Variants in NKAIN3 observed in about 807,000 individuals in gnomAD.
NKAIN3 encodes sodium/potassium transporting ATPase interacting 3.
A neutral mutation model predicts 30.2 loss-of-function variants in NKAIN3; 25 were observed. The ratio of observed to expected loss-of-function variants is 0.83; its 90% CI spans 0.60 to 1.16. The LOEUF (loss-of-function observed/expected upper bound fraction) is 1.16, where lower values mean the gene tolerates loss of function less well. Among genes scored for constraint, NKAIN3 ranks in the 50% most tolerant of loss-of-function variants. The pLI is 0.00. For missense variants in NKAIN3, 225 were observed against 254.1 expected (o/e 0.89, Z 0.78); for synonymous variants, 91 against 89.6 (o/e 1.02, Z -0.09).
intron 3 of NKAIN3, among the ~76,000 whole-genome samples, chr8:62,598,615 C>T (rs548629578): frequency 2.2e-4 from 34 of 152,128 alleles, no homozygotes; most frequent in Non-Finnish European, 4.4e-4. Flanking sequence ...TGCATTCCCG[C>T]GGGTTCTGTC....
At chr8:62,460,557 T>A (rs1475902783) in intron 1 of NKAIN3, among the ~76,000 whole-genome samples, 1 of 152,194 alleles carries the variant, frequency 6.6e-6, no homozygotes, top group East Asian at 1.9e-4. Flanking sequence ...ATGAGCTTTG[T>A]AATATTTAAT....
chr8:62,597,241 A>T (rs576671361), intron 3 of NKAIN3, among the ~76,000 whole-genome samples: 1 of 152,124 alleles, frequency 6.6e-6, no homozygotes, highest in Non-Finnish European at 1.5e-5. Context: ...CAAGCTTACC[A>T]CTGGGGCTTG....
chr8:62,807,894 T>C (rs1441249317), intron 4 of NKAIN3, among the ~76,000 whole-genome samples: 1 of 151,536 alleles, frequency 6.6e-6, no homozygotes, highest in African/African-American at 2.4e-5. Context: ...AAAATGAGAT[T>C]GTGATTATGT....
chr8:62,814,602 G>A (rs1049928214), intron 4 of NKAIN3, among the ~76,000 whole-genome samples: 4 of 152,064 alleles, frequency 2.6e-5, no homozygotes, highest in African/African-American at 9.6e-5. Context: ...CAAATACATG[G>A]AAACTGAACA....
At chr8:62,308,722 T>C (rs1214907581) in intron 1 of NKAIN3, among the ~76,000 whole-genome samples, 6 of 150,470 alleles carry the variant, frequency 4.0e-5, no homozygotes, top group Non-Finnish European at 7.4e-5. Context: ...AGAGCTTGAA[T>C]CCAGGTGACA....
chr8:62,743,048 C>T (rs905081729), intron 3 of NKAIN3, among the ~76,000 whole-genome samples: 26 of 152,152 alleles, frequency 1.7e-4, no homozygotes, highest in African/African-American at 5.6e-4. Flanking sequence ...ACTCAATTAC[C>T]TCCAACAGGT....
chr8:62,311,579 C>A (rs1322905678), intron 1 of NKAIN3, among the ~76,000 whole-genome samples: 1 of 150,592 alleles, frequency 6.6e-6, no homozygotes, highest in African/African-American at 2.5e-5. Context: ...GAGCCCTGGA[C>A]TCCATGAGCC....
chr8:62,365,436 A>G (rs1162997919), intron 1 of NKAIN3, among the ~76,000 whole-genome samples: 1 of 152,062 alleles, frequency 6.6e-6, no homozygotes, highest in African/African-American at 2.4e-5. Flanking sequence ...TAACACCATT[A>G]TTGCTTTTTC....
chr8:62,714,945 CTG>C (rs1330530342), intron 3 of NKAIN3, among the ~76,000 whole-genome samples: 17 of 152,264 alleles, frequency 1.1e-4, no homozygotes, highest in African/African-American at 3.9e-4. Flanking sequence ...AGACCTGAGA[CTG>C]TGTAATTTTT....
chr8:62,855,519 G>T, intron 4 of NKAIN3: 2 of 1,431,610 alleles, frequency 1.4e-6, no homozygotes, highest in African/African-American at 1.4e-5. Flanking sequence ...TTGTAATCTG[G>T]TGGGTAAACA....
chr8:62,855,378 G>A (rs771130859), intron 4 of NKAIN3: 11 of 761,216 alleles, frequency 1.4e-5, no homozygotes, highest in Non-Finnish European at 2.6e-5. Context: ...TTCAGCATGG[G>A]CACAGTGAAA....
chr8:62,717,039 T>C (rs903239169), intron 3 of NKAIN3, among the ~76,000 whole-genome samples: 22 of 152,222 alleles, frequency 1.4e-4, no homozygotes, highest in African/African-American at 5.1e-4. Context: ...GACTGAATTA[T>C]CATAGTTTCA....
chr8:62,356,933 C>T (rs1367258651), intron 1 of NKAIN3, among the ~76,000 whole-genome samples: 1 of 151,908 alleles, frequency 6.6e-6, no homozygotes, highest in East Asian at 1.9e-4. Flanking sequence ...GGCAACATGG[C>T]GAAACCATCT....
chr8:62,729,664 G>C (rs1815406574), intron 3 of NKAIN3, among the ~76,000 whole-genome samples: 1 of 152,028 alleles, frequency 6.6e-6, no homozygotes. Flanking sequence ...AAGTAACACA[G>C]TATTTATTTT....
At chr8:62,746,341 C>T (rs1355210211) in intron 3 of NKAIN3, among the ~76,000 whole-genome samples, 2 of 152,196 alleles carry the variant, frequency 1.3e-5, no homozygotes, top group East Asian at 3.8e-4. Context: ...ATCATCTCCC[C>T]ATCTCATGAT....
rs1291450410 is a variant in NKAIN3 at position 62,982,089 on chromosome 8, A to C, written c.*16682A>C. The C allele has an allele frequency of 6.6e-6, 1 of 152,158 alleles. No homozygotes were observed. The highest frequency in any genetic ancestry group is 1.5e-5 in the Non-Finnish European group (1 of 68,026). 9.4% of individuals were successfully genotyped at this position (152,158 alleles called of 1,614,324 possible). ...AAACTCATATAAAAATCTAAACTAC[A>C]GTTTTATGGGGATAGTTAAGGTAAG... is the stretch of plus-strand genomic sequence containing the variant. On this transcript the variant is annotated 3_prime_UTR_variant, in exon 7 of 7. Transcript: ENST00000623646.
chr8:62,506,598 C>G (rs1807652318), intron 1 of NKAIN3, among the ~76,000 whole-genome samples: 1 of 151,368 alleles, frequency 6.6e-6, no homozygotes, highest in Non-Finnish European at 1.5e-5. Flanking sequence ...CCTCAGCCTC[C>G]CGAGTAGCTG....
chr8:62,883,457 G>GTTGTTGTTTTTTTTTTTT lies in NKAIN3; in HGVS notation c.472-34994_472-34993insGTTGTTTTTTTTTTTTTT. On this transcript the variant is annotated intron_variant, in intron 4 of 6. Transcript: ENST00000623646. ...TTTATTATTTCCAGGAGTTTTATGGGTTTTTTTTTTTTTTTTCAGATTTTC... is the reference window on the plus strand; with the variant it reads ...TTTATTATTTCCAGGAGTTTTATGGGTTGTTGTTTTTTTTTTTTTTTTTTTTTTTTTTTTCAGATTTTC... Among the ~76,000 whole-genome samples the GTTGTTGTTTTTTTTTTTT allele has an allele frequency of 2.0e-3, 139 of 70,180 alleles. 7 individuals carry two copies. Among genetic ancestry groups the GTTGTTGTTTTTTTTTTTT allele is most frequent in the East Asian group, 9.4e-3 (16 of 1,696 alleles). 46.0% of individuals were successfully genotyped at this position (70,180 alleles called of 152,430 possible).
intron 1 of NKAIN3, among the ~76,000 whole-genome samples, chr8:62,453,449 T>C (rs1345393525): frequency 6.6e-6 from 1 of 152,080 alleles, no homozygotes; most frequent in Non-Finnish European, 1.5e-5. Context: ...CATATTAACC[T>C]AACATCACAA....
Sources: allele counts gnomAD v4.1 joint callset (sites outside exome capture counted in the v4.1 genomes callset), GRCh38; gene constraint gnomAD v4.1.1; transcripts MANE v1.5; gene names NCBI Gene and HGNC (gene_info 2026-07-23, HGNC 2026-07-21).